ZNF862: variants seen among roughly 807,000 people sequenced by gnomAD.
ZNF862 encodes zinc finger protein 862.
In ZNF862, 64 loss-of-function variants were observed where a neutral mutation model predicts 91.1. The ratio of observed to expected loss-of-function variants is 0.70; its 90% confidence interval spans 0.57 to 0.87. The LOEUF (loss-of-function observed/expected upper bound fraction) is 0.87. ZNF862 is among the 40% of genes least tolerant of loss of function. The pLI is 0.00. For synonymous variants in ZNF862, 631 were observed against 618.1 expected, an observed-to-expected ratio of 1.02 and a Z score of -0.31; for missense variants, 1,459 against 1,528.0, an observed-to-expected ratio of 0.95 and a Z score of 0.75.
chr7:149,850,251 C>G lies in ZNF862; in HGVS notation c.1030C>G (p.Arg344Gly). Residue 344 changes from arginine (R) to glycine (G), a missense_variant, in exon 5 of 8, where the codon CGG becomes GGG. Transcript: ENST00000223210. The surrounding 1 kb of genome is among the most constrained non-coding windows in gnomAD (Gnocchi z 4.2). ...VFEDVAVYFT[R>G]EEWGMLDKRQ... ...CGAGGATGTGGCAGTGTATTTCACC[C>G]GGGAGGAGTGGGGCATGCTAGACAA... 1.2e-6 allele frequency: 2 copies of G among 1,613,078 alleles called. No homozygotes were observed. The highest frequency in any genetic ancestry group is 1.7e-6 in the Non-Finnish European group (2 of 1,179,576).
At chr7:149,840,673 C>T (rs890130378) in intron 1 of ZNF862, among the ~76,000 whole-genome samples, 5 of 151,448 alleles carry the variant, frequency 3.3e-5, no homozygotes, top group Admixed American at 6.6e-5. Context: ...CTTACTGTAC[C>T]TTTTCTATGT....
chr7:149,857,479 C>A (rs1348303821), intron 5 of ZNF862, among the ~76,000 whole-genome samples: 1 of 151,980 alleles, frequency 6.6e-6, no homozygotes, highest in Admixed American at 6.6e-5. Flanking sequence ...AATATTAATT[C>A]TCATTATTTT....
At chr7:149,845,413 A>G (rs1384708605) in intron 2 of ZNF862, among the ~76,000 whole-genome samples, 2 of 152,140 alleles carry the variant, frequency 1.3e-5, no homozygotes, top group South Asian at 2.1e-4. Flanking sequence ...TTCTTATTTC[A>G]TCTTGGCCCC....
chr7:149,861,668 C>T lies in ZNF862; in HGVS notation c.2508C>T (p.His836=). 6.2e-7 allele frequency: 1 copy of T among 1,611,074 alleles called. No homozygotes were observed. The highest frequency in any genetic ancestry group is 2.2e-5 in the East Asian group (1 of 44,778). The change falls in exon 7 of 8, where the codon CAC becomes CAT. Residue 836 remains histidine (H), a synonymous_variant. Transcript: ENST00000223210. This position sits in a 1 kb window ranked among gnomAD's most constrained non-coding sequence, Gnocchi z 6.7. ...KGMLKLMRGF[H]FVKFCHFLLD... is the part of the protein sequence containing the mutation. ...TGCTGAAGCTCATGCGCGGCTTCCA[C>T]TTTGTCAAGTTCTGCCACTTCCTGT...
intron 5 of ZNF862, among the ~76,000 whole-genome samples, chr7:149,857,482 A>C (rs1285133345): frequency 6.6e-6 from 1 of 151,832 alleles, no homozygotes; most frequent in East Asian, 1.9e-4. Context: ...ATTAATTCTC[A>C]TTATTTTGAA....
rs1802541702 is a variant in ZNF862, at chr7:149,862,290, A to G, written c.3130A>G (p.Lys1044Glu). 1.2e-6 allele frequency: 2 copies of G among 1,613,526 alleles called. No individual in the cohort carries two copies. The highest frequency in any genetic ancestry group is 1.3e-5 in the African/African-American group (1 of 74,914). The stretch of plus-strand genomic sequence containing the variant: ...CACCTCTTGCTGTGAGCGGGGGTTC[A>G]AGGCCATGAACCGAATCAGGACCGA... The part of the protein sequence containing the change: ...ISTSCCERGF[K>E]AMNRIRTDER... The change falls in exon 7 of 8, where the codon AAG (lysine) becomes GAG (glutamate). Residue 1044 changes from lysine to glutamate, a missense_variant. Coordinates refer to ENST00000223210, the MANE Select transcript of ZNF862 (RefSeq NM_001099220.3).
At position 149,850,333 on chromosome 7, in the gene ZNF862, C is replaced by T. The variant is rs762645009; in HGVS notation, c.1112C>T (p.Ser371Phe). 17 of 1,610,646 alleles carry T rather than the reference C, an allele frequency of 1.1e-5. No individual in the cohort carries two copies. Among genetic ancestry groups the T allele is most frequent in the Non-Finnish European group, 1.4e-5 (17 of 1,178,118 alleles). ...VMRMNYELLA[S>F]LGPAAAKPDL... ...CGGATGAACTACGAGCTGTTGGCATCCTTGGGTAAAGACGCACCGAGCCTC... is the reference window on the plus strand; with the variant it reads ...CGGATGAACTACGAGCTGTTGGCATTCTTGGGTAAAGACGCACCGAGCCTC... The change falls in exon 5 of 8, where the codon TCC becomes TTC. Residue 371 changes from serine to phenylalanine, a missense_variant. By Grantham distance (155) the Ser-to-Phe change is radical. Transcript: ENST00000223210. The surrounding 1 kb of genome is among the most constrained non-coding windows in gnomAD (Gnocchi z 4.2).
intron 2 of ZNF862, among the ~76,000 whole-genome samples, chr7:149,845,824 T>G (rs1801849077): frequency 6.6e-6 from 1 of 152,208 alleles, no homozygotes; most frequent in African/African-American, 2.4e-5. Context: ...GCCCCTGCAC[T>G]TGGCCTGGTT....
chr7:149,840,187 T>TAAAAAAAAAGAAAAAAAAA (rs1801651818), intron 1 of ZNF862, among the ~76,000 whole-genome samples: 1 of 41,246 alleles, frequency 2.4e-5, no homozygotes, highest in Non-Finnish European at 4.5e-5. Context: ...GCTTAAAAAG[T>TAAAAAAAAAGAAAAAAAAA]AAAAAAAAAA....
intron 1 of ZNF862, among the ~76,000 whole-genome samples, chr7:149,842,919 A>AT (rs563129970): frequency 1.4e-4 from 22 of 152,210 alleles, no homozygotes; most frequent in Admixed American, 1.1e-3. Context: ...GAAATATTTC[A>AT]TTTTGCTTTG....
At position 149,861,842 on chromosome 7, in the gene ZNF862, C is replaced by G; in HGVS notation, c.2682C>G (p.Asn894Lys). The change falls in exon 7 of 8, where the codon AAC becomes AAG. Residue 894 changes from asparagine (N) to lysine (K), a missense_variant. Asn to Lys is a moderately conservative substitution (Grantham distance 94). Transcript: ENST00000223210. This position sits in a 1 kb window ranked among gnomAD's most constrained non-coding sequence, Gnocchi z 6.7. ...HQAGPKEEEF[N>K]ASFKDGRLHG... ...CAGGGCCCAAAGAGGAAGAATTCAA[C>G]GCCAGCTTCAAGGATGGGCGGCTCC... 6.2e-7 allele frequency: 1 copy of G among 1,613,690 alleles called. No homozygotes were observed. The highest frequency in any genetic ancestry group is 2.2e-5 in the East Asian group (1 of 44,850).
At chr7:149,859,848 C>T in intron 6 of ZNF862, 1 of 321,382 alleles carries the variant, frequency 3.1e-6, no homozygotes, top group Non-Finnish European at 5.8e-6. Context: ...GCCTCTCATC[C>T]CTTCTCCCTC....
chr7:149,850,174 A>T lies in ZNF862; in HGVS notation c.953A>T (p.Glu318Val), dbSNP rs773068638. ...TCTTTGTTCCAGGACCCTTCTGCAG[A>T]GGGGCTGTCGGAGGAGGTTCCTGTG... ...VESCIQDPSA[E>V]GLSEEVPVVF... The change falls in exon 5 of 8, where the codon GAG (glutamate) becomes GTG (valine). Residue 318 changes from glutamate (E) to valine (V), a missense_variant. By Grantham distance (121) the Glu-to-Val change is moderately radical (BLOSUM62 -2). Transcript: ENST00000223210. This position sits in a 1 kb window ranked among gnomAD's most constrained non-coding sequence, Gnocchi z 4.2. 6.4e-7 allele frequency: 1 copy of T among 1,570,662 alleles called. No individual in the cohort carries two copies. The highest frequency in any genetic ancestry group is 1.2e-5 in the South Asian group (1 of 85,800).
chr7:149,844,527 C>T, intron 1 of ZNF862, 98 bp from the exon 2 acceptor site: 1 of 751,454 alleles, frequency 1.3e-6, no homozygotes, highest in South Asian at 1.7e-5. Context: ...TTGACAACAC[C>T]CCTCCCCGTG....
chr7:149,850,209 G>A lies in ZNF862; in HGVS notation c.988G>A (p.Glu330Lys). The A allele has an allele frequency of 6.2e-7, 1 of 1,601,056 alleles. No individual in the cohort carries two copies. The change falls in exon 5 of 8, where the codon GAG (glutamate) becomes AAG (lysine). Residue 330 changes from glutamate (E) to lysine (K), a missense_variant. By Grantham distance (56) the Glu-to-Lys change is moderately conservative (BLOSUM62 1). Coordinates refer to ENST00000223210, the MANE Select transcript of ZNF862 (RefSeq NM_001099220.3). The surrounding 1 kb of genome is among the most constrained non-coding windows in gnomAD (Gnocchi z 4.2). Reference sequence around the variant, plus strand: ...GGAGGAGGTTCCTGTGGTGTTTGAGGAGCTGCCGGTGGTGTTCGAGGATGT... The same window carrying A: ...GGAGGAGGTTCCTGTGGTGTTTGAGAAGCTGCCGGTGGTGTTCGAGGATGT... ...LSEEVPVVFEELPVVFEDVAV... is the reference protein window; with the variant it reads ...LSEEVPVVFEKLPVVFEDVAV...
At chr7:149,839,670 C>G (rs1424581468) in intron 1 of ZNF862, among the ~76,000 whole-genome samples, 1 of 152,034 alleles carries the variant, frequency 6.6e-6, no homozygotes, top group Non-Finnish European at 1.5e-5. Flanking sequence ...CTCTGAATTT[C>G]AAAAGAGGTG....
rs377468102 is a variant in ZNF862, at chr7:149,864,286, G to A, written c.*2G>A. ...CAGGAGGCCCCCGGGATGTCCTGAG[G>A]GACAGGGAGTCCTTGGGACTGCCTT... On this transcript the variant is annotated 3_prime_UTR_variant, in exon 8 of 8. Transcript: ENST00000223210. 20 of 1,594,800 alleles carry A rather than the reference G, an allele frequency of 1.3e-5. No individual in the cohort carries two copies. The highest frequency in any genetic ancestry group is 1.7e-5 in the Non-Finnish European group (20 of 1,171,766).
chr7:149,849,861 C>T (rs1802002463), intron 4 of ZNF862, among the ~76,000 whole-genome samples: 1 of 152,188 alleles, frequency 6.6e-6, no homozygotes, highest in East Asian at 1.9e-4. Context: ...AGGCAGCTCT[C>T]AGGACTCTGA....
At chr7:149,841,995 T>G (rs6957009) in intron 1 of ZNF862, among the ~76,000 whole-genome samples, 74,182 of 151,912 alleles carry the variant, frequency 0.49, 19,482 homozygotes, top group African/African-American at 0.7. Context: ...AAGGGTGGTG[T>G]TGATGAAGGA....
Sources: gnomAD v4.1 joint callset for allele counts (sites outside exome capture counted in the v4.1 genomes callset) on GRCh38, gnomAD v4.1.1 for gene constraint, Gnocchi (gnomAD v3.1) non-coding constraint, MANE v1.5 for transcripts, NCBI Gene and HGNC (gene_info 2026-07-23, HGNC 2026-07-21) for gene names.